The following ENTREP2 variants were observed in gnomAD, a reference collection of about 807,000 sequenced individuals.
The protein encoded by ENTREP2 is protein ENTREP2.
chr15:29,217,963 C>A, the ENTREP2 span, among the ~76,000 whole-genome samples: 2 of 152,148 alleles, frequency 1.3e-5, no homozygotes, highest in African/African-American at 4.8e-5. Flanking sequence ...TAATCTCCCT[C>A]TTTGCCTATG....
chr15:29,134,039 C>A, the ENTREP2 span, among the ~76,000 whole-genome samples: 11 of 152,150 alleles, frequency 7.2e-5, no homozygotes, highest in Non-Finnish European at 1.6e-4. Flanking sequence ...ACCTCCCAGA[C>A]CTTCCATGGA....
chr15:29,650,397 A>AGCCT, the ENTREP2 span, among the ~76,000 whole-genome samples: 2,736 of 152,184 alleles, frequency 0.018, 76 homozygotes, highest in African/African-American at 0.055. Context: ...GTTCAAGACC[A>AGCCT]GCCTGGACAA....
chr15:29,222,555 G>A, the ENTREP2 span, among the ~76,000 whole-genome samples: 1 of 152,160 alleles, frequency 6.6e-6, no homozygotes, highest in African/African-American at 2.4e-5. Flanking sequence ...CAAGAAGAGA[G>A]GCTGAGCATG....
chr15:29,254,047 T>C, the ENTREP2 span, among the ~76,000 whole-genome samples: 16 of 151,172 alleles, frequency 1.1e-4, no homozygotes, highest in African/African-American at 2.2e-4. Context: ...TCTGCACCTA[T>C]GTAAATAATT....
the ENTREP2 span, among the ~76,000 whole-genome samples, chr15:29,523,127 C>T: frequency 3.3e-5 from 5 of 152,130 alleles, no homozygotes; most frequent in Admixed American, 2.0e-4. Flanking sequence ...GAAGGGAAGA[C>T]GAAGGTAGGG....
chr15:29,158,863 GA>G, the ENTREP2 span, among the ~76,000 whole-genome samples: 2,884 of 152,060 alleles, frequency 0.019, 93 homozygotes, highest in African/African-American at 0.067. Flanking sequence ...AAAAACAAGA[GA>G]AAAAAGTTTT....
the ENTREP2 span, among the ~76,000 whole-genome samples, chr15:29,672,715 C>A: frequency 2.0e-5 from 3 of 152,080 alleles, no homozygotes; most frequent in Non-Finnish European, 4.4e-5. Flanking sequence ...CTACTCAAAC[C>A]AGTCTCCCTG....
the ENTREP2 span, among the ~76,000 whole-genome samples, chr15:29,636,265 C>T: frequency 6.6e-6 from 1 of 152,184 alleles, no homozygotes; most frequent in Non-Finnish European, 1.5e-5. Context: ...GGCGTTTCCT[C>T]ACGTCGCAAC....
chr15:29,671,755 C>T, the ENTREP2 span, among the ~76,000 whole-genome samples: 1 of 152,178 alleles, frequency 6.6e-6, no homozygotes. Context: ...TCCCCTGAAC[C>T]TCTCTGGGGT....
At chr15:29,644,399 G>C in the ENTREP2 span, among the ~76,000 whole-genome samples, 2 of 152,164 alleles carry the variant, frequency 1.3e-5, no homozygotes, top group Non-Finnish European at 2.9e-5. Flanking sequence ...CTTTACATGG[G>C]CAGATTGCCA....
the ENTREP2 span, among the ~76,000 whole-genome samples, chr15:29,597,504 G>T: frequency 6.6e-6 from 1 of 151,214 alleles, no homozygotes; most frequent in Non-Finnish European, 1.5e-5. Flanking sequence ...GGAGGCGGAG[G>T]TTGCTGTGAG....
chr15:29,357,575 C>G, the ENTREP2 span, among the ~76,000 whole-genome samples: 1 of 152,156 alleles, frequency 6.6e-6, no homozygotes, highest in African/African-American at 2.4e-5. Flanking sequence ...TGGTGGCTCA[C>G]GCCTGTAATC....
the ENTREP2 span, among the ~76,000 whole-genome samples, chr15:29,644,176 C>T: frequency 6.6e-6 from 1 of 152,168 alleles, no homozygotes; most frequent in Non-Finnish European, 1.5e-5. Context: ...GTGAAGGAAA[C>T]TCGTTCCAAA....
At chr15:29,499,727 G>A in the ENTREP2 span, among the ~76,000 whole-genome samples, 28 of 152,192 alleles carry the variant, frequency 1.8e-4, 1 homozygote, top group East Asian at 5.4e-3. Flanking sequence ...TTCTGATAGT[G>A]AAGTGTAAGT....
chr15:29,129,301 G>A, the ENTREP2 span, among the ~76,000 whole-genome samples: 1 of 152,252 alleles, frequency 6.6e-6, no homozygotes, highest in South Asian at 2.1e-4. Flanking sequence ...CTGACCTCAG[G>A]CGATCCGCCT....
the ENTREP2 span, among the ~76,000 whole-genome samples, chr15:29,643,504 T>C: frequency 0.047 from 7,060 of 151,126 alleles, 187 homozygotes; most frequent in South Asian, 0.066. Context: ...ATGAAGAGGC[T>C]GGGCACAGTG....
chr15:29,476,929 A>G, the ENTREP2 span, among the ~76,000 whole-genome samples: 1 of 152,200 alleles, frequency 6.6e-6, no homozygotes, highest in Admixed American at 6.5e-5. Context: ...GCATACACCC[A>G]TCCAAACAGG....
At chr15:29,419,707 G>A in the ENTREP2 span, among the ~76,000 whole-genome samples, 21 of 152,208 alleles carry the variant, frequency 1.4e-4, no homozygotes, top group African/African-American at 4.3e-4. Flanking sequence ...AGATCTGGAC[G>A]CACATATTAC....
chr15:29,290,809 G>A, the ENTREP2 span, among the ~76,000 whole-genome samples: 7 of 152,166 alleles, frequency 4.6e-5, no homozygotes, highest in Admixed American at 4.6e-4. Flanking sequence ...TGCAGCTCCT[G>A]CCAGGGCATT....
Sources: gnomAD v4.1 joint callset for allele counts (sites outside exome capture counted in the v4.1 genomes callset) on GRCh38, gnomAD v4.1.1 for gene constraint, MANE v1.5 for transcripts, NCBI Gene and HGNC (gene_info 2026-07-23, HGNC 2026-07-21) for gene names.